Variants in DNAH2 observed in about 807,000 individuals in gnomAD.
The protein encoded by DNAH2 is axonemal beta dynein heavy chain 2.
A neutral mutation model predicts 523.5 loss-of-function variants in DNAH2; 323 were observed. The observed-to-expected ratio is 0.62, with a 90% CI of 0.56 to 0.68. DNAH2 has a LOEUF of 0.68. DNAH2 is among the 30% of genes least tolerant of loss of function. The probability of loss-of-function intolerance (pLI) is 0.00; values close to 1 mark genes in which losing one functional copy is unlikely to be tolerated. For synonymous variants in DNAH2, 2,093 were observed against 2,177.4 expected, an observed-to-expected ratio of 0.96 and a Z score of 1.08; for missense variants, 4,907 against 5,701.5, an observed-to-expected ratio of 0.86 and a Z score of 4.49.
intron 11 of DNAH2, 90 bp from the exon 12 acceptor site, chr17:7,742,838 G>T: frequency 3.4e-6 from 3 of 881,534 alleles, no homozygotes; most frequent in Non-Finnish European, 4.8e-6. Context: ...GGGTATGTGC[G>T]CATGCGCGCA....
chr17:7,813,335 C>T (rs942679121), intron 63 of DNAH2, among the ~76,000 whole-genome samples: 4 of 151,828 alleles, frequency 2.6e-5, no homozygotes, highest in African/African-American at 9.7e-5. Flanking sequence ...AAGCAATCCT[C>T]CCGCCTCTGC....
At chr17:7,752,665 G>A (rs1238289539) in intron 12 of DNAH2, among the ~76,000 whole-genome samples, 3 of 152,084 alleles carry the variant, frequency 2.0e-5, no homozygotes, top group Non-Finnish European at 4.4e-5. Flanking sequence ...AGCTGAGATT[G>A]CGCCACTGCA....
intron 44 of DNAH2, among the ~76,000 whole-genome samples, chr17:7,790,162 G>A (rs1162568798): frequency 6.6e-6 from 1 of 152,218 alleles, no homozygotes; most frequent in Non-Finnish European, 1.5e-5. Flanking sequence ...TCTGTCACGT[G>A]CCCTCTGGGC....
rs201605458 is a variant in DNAH2 at position 7,758,626 on chromosome 17, C to T, written c.2183C>T (p.Thr728Met). The T allele has an allele frequency of 1.4e-4, 222 of 1,613,872 alleles. No homozygotes were observed. The highest frequency in any genetic ancestry group is 1.0e-3 in the Admixed American group (61 of 59,922). Residue 728 changes from threonine to methionine, a missense_variant, in exon 14 of 86, where the codon ACG becomes ATG. Around this residue, in one of 3 missense-constraint regions of DNAH2, gnomAD observed 2,806 missense variants for 3,190.8 expected, o/e 0.88. Transcript: ENST00000572933. ...ALKGASAFFI[T>M]ECRIHASKVQ... ...AAGGGGGCCAGTGCCTTCTTCATCA[C>T]GGAGTGCCGTATACATGCCAGCAAG...
At position 7,760,984 on chromosome 17, in the gene DNAH2, A is replaced by C; in HGVS notation, c.2978+52A>C. On this transcript the variant is annotated intron_variant, in intron 18 of 85. Coordinates refer to ENST00000572933, the MANE Select transcript of DNAH2 (RefSeq NM_020877.5). This position sits in a 1 kb window ranked among gnomAD's most constrained non-coding sequence, Gnocchi z 4.0. ...CTGTCTGTAGGAGGCACAGCACTGC[A>C]GGAGGAGCCCAGGCCTAGAGTCTTG... is the stretch of plus-strand genomic sequence containing the variant. 6.3e-7 allele frequency: 1 copy of C among 1,599,298 alleles called. No individual in the cohort carries two copies.
In DNAH2 at chr17:7,821,427, A is replaced by G; in HGVS notation, c.11142+58A>G. On this transcript the variant is annotated intron_variant, in intron 73 of 85. Transcript: ENST00000572933. This position sits in a 1 kb window ranked among gnomAD's most constrained non-coding sequence, Gnocchi z 5.0. Reference sequence around the variant, plus strand: ...GATGGTCAAGGTTGGGGATGAGGGCAAGTGTGACAAGGACTCCAGACCCAG... The same window carrying G: ...GATGGTCAAGGTTGGGGATGAGGGCGAGTGTGACAAGGACTCCAGACCCAG... 1 of 1,564,052 alleles carries G rather than the reference A, an allele frequency of 6.4e-7. No homozygotes were observed. The highest frequency in any genetic ancestry group is 8.7e-7 in the Non-Finnish European group (1 of 1,151,584).
In DNAH2 at chr17:7,821,439, G is replaced by C. The variant is rs1484979592; in HGVS notation, c.11142+70G>C. On this transcript the variant is annotated intron_variant, in intron 73 of 85. Coordinates refer to ENST00000572933, the MANE Select transcript of DNAH2 (RefSeq NM_020877.5). This position sits in a 1 kb window ranked among gnomAD's most constrained non-coding sequence, Gnocchi z 5.0. ...TGGGGATGAGGGCAAGTGTGACAAGGACTCCAGACCCAGAGGGTCAGGCCC... is the reference window on the plus strand; with the variant it reads ...TGGGGATGAGGGCAAGTGTGACAAGCACTCCAGACCCAGAGGGTCAGGCCC... The C allele has an allele frequency of 6.5e-7, 1 of 1,539,588 alleles. No homozygotes were observed. Among genetic ancestry groups the C allele is most frequent in the Admixed American group, 1.9e-5 (1 of 51,420 alleles).
intron 77 of DNAH2, among the ~76,000 whole-genome samples, chr17:7,825,565 GT>G (rs2077995907): frequency 6.6e-6 from 1 of 152,168 alleles, no homozygotes; most frequent in Non-Finnish European, 1.5e-5. Flanking sequence ...TTACTTCGGT[GT>G]TTCTTTTTCC....
At chr17:7,787,130 C>A in intron 42 of DNAH2, 97 bp downstream of exon 42, 2 of 1,484,164 alleles carry the variant, frequency 1.3e-6, no homozygotes, top group Non-Finnish European at 1.8e-6. Context: ...CAGAGCAGGG[C>A]AGGTTCTGTG....
intron 7 of DNAH2, among the ~76,000 whole-genome samples, chr17:7,736,474 C>A (rs2075146142): frequency 6.6e-6 from 1 of 152,178 alleles, no homozygotes; most frequent in Non-Finnish European, 1.5e-5. Flanking sequence ...CTGAATTCAA[C>A]TGGAGAAAAC....
In DNAH2 at chr17:7,787,103, A is replaced by C. The variant is rs1009992627; in HGVS notation, c.6603+70A>C. Reference sequence around the variant, plus strand: ...CGGAGGGCGTGGGCCGGGGCTGGGGAGGAGAGCCAGAAATCTCAGAGCAGG... The same window carrying C: ...CGGAGGGCGTGGGCCGGGGCTGGGGCGGAGAGCCAGAAATCTCAGAGCAGG... On this transcript the variant is annotated intron_variant, in intron 42 of 85. Transcript: ENST00000572933. The C allele has an allele frequency of 5.7e-6, 9 of 1,569,568 alleles. No individual in the cohort carries two copies. In the African/African-American group the frequency reaches 1.1e-4, roughly 19 times the overall value.
chr17:7,770,574 C>A lies in DNAH2; in HGVS notation c.4116C>A (p.Ala1372=), dbSNP rs768143240. The A allele has an allele frequency of 1.2e-6, 2 of 1,614,014 alleles. No individual in the cohort carries two copies. Among genetic ancestry groups the A allele is most frequent in the Non-Finnish European group, 1.7e-6 (2 of 1,180,032 alleles). The change falls in exon 26 of 86, where the codon GCC becomes GCA. Residue 1372 remains alanine (A), a synonymous_variant. Coordinates refer to ENST00000572933, the MANE Select transcript of DNAH2 (RefSeq NM_020877.5). Reference sequence around the variant, plus strand: ...CTCCACAGGCTTTACAAAACATTGCCAAGACCTGGGATGTGACTCAGCTCG... The same window carrying A: ...CTCCACAGGCTTTACAAAACATTGCAAAGACCTGGGATGTGACTCAGCTCG... ...LAIEVALQNI[A]KTWDVTQLDI...
At chr17:7,797,027 G>A in intron 50 of DNAH2, 149 bp from the exon 51 acceptor site, 1 of 711,170 alleles carries the variant, frequency 1.4e-6, no homozygotes, top group South Asian at 1.9e-5. Context: ...GCTTGAACCT[G>A]GGAGGCAGAG....
At chr17:7,804,205 C>T (rs376474531) in intron 58 of DNAH2, 51 bp from the exon 59 acceptor site, 91 of 1,592,722 alleles carry the variant, frequency 5.7e-5, no homozygotes, top group Admixed American at 1.4e-4. Context: ...CAGGACACCG[C>T]GCTTTCCGGA....
At chr17:7,814,980 T>G (rs968010138) in intron 63 of DNAH2, among the ~76,000 whole-genome samples, 1 of 152,212 alleles carries the variant, frequency 6.6e-6, no homozygotes, top group Admixed American at 6.5e-5. Context: ...ATGTATGTCT[T>G]TCTTTCTTTT....
chr17:7,755,679 G>C lies in DNAH2; in HGVS notation c.1905-1412G>C, dbSNP rs968840665. Among the ~76,000 whole-genome samples, 4 of 152,100 alleles carry C rather than the reference G, an allele frequency of 2.6e-5. No individual in the cohort carries two copies. The East Asian group carries it at 7.7e-4, about 29-fold the overall frequency. On this transcript the variant is annotated intron_variant, in intron 12 of 85. Coordinates refer to ENST00000572933, the MANE Select transcript of DNAH2 (RefSeq NM_020877.5). Reference sequence around the variant, plus strand: ...GTTTTCTCAGACGTGGAGCGGTTGTGAACAGCAAGCTTCAGGGCGTGGCAT... The same window carrying C: ...GTTTTCTCAGACGTGGAGCGGTTGTCAACAGCAAGCTTCAGGGCGTGGCAT...
At chr17:7,774,082 C>A (rs1197801342) in intron 28 of DNAH2, among the ~76,000 whole-genome samples, 1 of 152,130 alleles carries the variant, frequency 6.6e-6, no homozygotes, top group East Asian at 1.9e-4. Flanking sequence ...GAACTTTCAC[C>A]TTTTCACTTA....
intron 63 of DNAH2, among the ~76,000 whole-genome samples, chr17:7,815,492 A>C (rs2077634842): frequency 6.6e-6 from 1 of 152,200 alleles, no homozygotes; most frequent in South Asian, 2.1e-4. Context: ...TCAGATATAC[A>C]TACAGGATCA....
Position 7,786,018 on chromosome 17 carries a change from A to G in DNAH2, c.6130-106A>G. 1 of 1,238,470 alleles carries G rather than the reference A, an allele frequency of 8.1e-7. No homozygotes were observed. The highest frequency in any genetic ancestry group is 1.1e-6 in the Non-Finnish European group (1 of 882,986). 76.7% of individuals were successfully genotyped at this position (1,238,470 alleles called of 1,614,324 possible). A position where few individuals can be genotyped will look rare whatever the true frequency, so the allele number is the denominator to read the frequency against. ...CCGGAGTGCAGAGGGCCCTGGTGCC[A>G]TTTTTAACAGTTTGAACGTATTCTC... is the stretch of plus-strand genomic sequence containing the variant. On this transcript the variant is annotated intron_variant, in intron 39 of 85. Transcript: ENST00000572933. This position sits in a 1 kb window ranked among gnomAD's most constrained non-coding sequence, Gnocchi z 7.5.
Sources: gnomAD v4.1 joint callset for allele counts (sites outside exome capture counted in the v4.1 genomes callset) on GRCh38, gnomAD v4.1.1 for gene constraint, gnomAD v4.1.1 regional missense constraint, Gnocchi (gnomAD v3.1) non-coding constraint, MANE v1.5 for transcripts, NCBI Gene and HGNC (gene_info 2026-07-23, HGNC 2026-07-21) for gene names.